Variants in THSD7B observed in about 807,000 individuals in gnomAD.
The protein encoded by THSD7B is thrombospondin type-1 domain-containing protein 7B.
A neutral mutation model predicts 213.6 loss-of-function variants in THSD7B; 138 were observed. The ratio of observed to expected loss-of-function variants is 0.65; its 90% CI spans 0.56 to 0.74. The LOEUF (loss-of-function observed/expected upper bound fraction) is 0.74, where lower values mean the gene tolerates loss of function less well. THSD7B is among the 30% of genes least tolerant of loss of function. The pLI is 0.00. For synonymous variants in THSD7B, 742 were observed against 687.0 expected (o/e 1.08, Z -1.25); for missense variants, 1,931 against 1,991.5 (o/e 0.97, Z 0.58).
At chr2:137,552,687 T>G (rs971194322) in intron 15 of THSD7B, among the ~76,000 whole-genome samples, 1 of 152,200 alleles carries the variant, frequency 6.6e-6, no homozygotes, top group Non-Finnish European at 1.5e-5. Context: ...TGCATTACAT[T>G]GTACACAAAC....
intron 12 of THSD7B, among the ~76,000 whole-genome samples, chr2:137,283,973 G>A (rs1683102527): frequency 6.6e-6 from 1 of 152,094 alleles, no homozygotes. Flanking sequence ...CAGAAGGAAT[G>A]GTACCAGTTC....
intron 2 of THSD7B, among the ~76,000 whole-genome samples, chr2:137,015,743 G>T (rs192720281): frequency 5.3e-5 from 8 of 152,180 alleles, no homozygotes; most frequent in Non-Finnish European, 7.4e-5. Flanking sequence ...TTCTAATCTT[G>T]GGAAACTCCT....
At chr2:137,604,594 T>TA (rs1166181832) in intron 17 of THSD7B, among the ~76,000 whole-genome samples, 1 of 152,170 alleles carries the variant, frequency 6.6e-6, no homozygotes, top group Admixed American at 6.5e-5. Context: ...AAAAAGAATG[T>TA]AAAAAATCAC....
intron 12 of THSD7B, among the ~76,000 whole-genome samples, chr2:137,288,377 C>T (rs1359914142): frequency 6.6e-6 from 1 of 152,056 alleles, no homozygotes; most frequent in Admixed American, 6.6e-5. Flanking sequence ...AATTTAAAAC[C>T]TACTAGAGTC....
At chr2:136,858,713 A>G (rs2104970286) in intron 1 of THSD7B, among the ~76,000 whole-genome samples, 1 of 152,290 alleles carries the variant, frequency 6.6e-6, no homozygotes, top group South Asian at 2.1e-4. Context: ...AAATTGACCT[A>G]ATATTTCCAG....
intron 21 of THSD7B, among the ~76,000 whole-genome samples, chr2:137,654,482 C>G (rs1288044963): frequency 6.6e-6 from 1 of 152,188 alleles, no homozygotes; most frequent in Non-Finnish European, 1.5e-5. Flanking sequence ...AGGGACAGGC[C>G]TCCTGCCAGG....
At chr2:137,197,728 C>T (rs938136365) in intron 7 of THSD7B, among the ~76,000 whole-genome samples, 1 of 152,110 alleles carries the variant, frequency 6.6e-6, no homozygotes, top group African/African-American at 2.4e-5. Context: ...AGGAACATCA[C>T]GGAAGCAGCA....
intron 2 of THSD7B, among the ~76,000 whole-genome samples, chr2:136,972,134 T>G (rs1685415568): frequency 6.6e-6 from 1 of 151,880 alleles, no homozygotes; most frequent in South Asian, 2.1e-4. Flanking sequence ...TCAAGGAGAA[T>G]GGACTACCAT....
At chr2:137,470,355 C>T (rs1043783599) in intron 15 of THSD7B, among the ~76,000 whole-genome samples, 6 of 152,164 alleles carry the variant, frequency 3.9e-5, no homozygotes, top group African/African-American at 1.4e-4. Context: ...AAAGGATAAA[C>T]AGATTTCTTG....
intron 24 of THSD7B, among the ~76,000 whole-genome samples, chr2:137,657,842 G>A (rs922556608): frequency 6.6e-6 from 1 of 152,130 alleles, no homozygotes; most frequent in East Asian, 1.9e-4. Flanking sequence ...AGCTTCCTGA[G>A]TAGTTGGGAC....
intron 7 of THSD7B, among the ~76,000 whole-genome samples, chr2:137,214,922 G>T (rs1325237979): frequency 6.6e-6 from 1 of 152,186 alleles, no homozygotes; most frequent in East Asian, 1.9e-4. Context: ...ATAGCAGCAT[G>T]ATTTATAATC....
At chr2:137,175,110 C>T (rs933230786) in intron 7 of THSD7B, among the ~76,000 whole-genome samples, 1 of 152,158 alleles carries the variant, frequency 6.6e-6, no homozygotes, top group African/African-American at 2.4e-5. Context: ...TTCCCAGTGG[C>T]TGGCAAGTGA....
At chr2:137,094,565 A>G (rs1688004686) in intron 3 of THSD7B, among the ~76,000 whole-genome samples, 1 of 152,032 alleles carries the variant, frequency 6.6e-6, no homozygotes, top group Non-Finnish European at 1.5e-5. Flanking sequence ...CTCTAAAAAA[A>G]AAAAACACAG....
At chr2:137,004,216 G>GCATTTATA (rs1686057995) in intron 2 of THSD7B, among the ~76,000 whole-genome samples, 1 of 151,180 alleles carries the variant, frequency 6.6e-6, no homozygotes. Flanking sequence ...AGAAGTCTAT[G>GCATTTATA]CATTTATACA....
At chr2:137,179,002 G>A (rs1006931796) in intron 7 of THSD7B, among the ~76,000 whole-genome samples, 1 of 152,180 alleles carries the variant, frequency 6.6e-6, no homozygotes, top group Non-Finnish European at 1.5e-5. Context: ...AGTTGTGCCT[G>A]TGTCTCTCAT....
intron 7 of THSD7B, among the ~76,000 whole-genome samples, chr2:137,208,888 G>C (rs982019775): frequency 1.3e-5 from 2 of 151,988 alleles, no homozygotes; most frequent in African/African-American, 4.8e-5. Context: ...CTGTGTGCAG[G>C]AGTAATTGGG....
intron 7 of THSD7B, among the ~76,000 whole-genome samples, chr2:137,187,874 G>A (rs75698846): frequency 0.011 from 1,622 of 151,646 alleles, 32 homozygotes; most frequent in East Asian, 0.049. Flanking sequence ...TTGTTCCAAT[G>A]TTCCCTTCAT....
intron 12 of THSD7B, among the ~76,000 whole-genome samples, chr2:137,403,026 G>T (rs951284006): frequency 6.6e-6 from 1 of 152,106 alleles, no homozygotes; most frequent in East Asian, 1.9e-4. Context: ...AAAATGTCTT[G>T]CTGTATTCAT....
intron 2 of THSD7B, among the ~76,000 whole-genome samples, chr2:137,036,875 C>T (rs532970801): frequency 6.6e-6 from 1 of 152,260 alleles, no homozygotes; most frequent in South Asian, 2.1e-4. Flanking sequence ...TTTTATTGAG[C>T]ACATCAAGAC....
Sources: allele counts gnomAD v4.1 joint callset (sites outside exome capture counted in the v4.1 genomes callset), GRCh38; gene constraint gnomAD v4.1.1; transcripts MANE v1.5; gene names NCBI Gene and HGNC (gene_info 2026-07-23, HGNC 2026-07-21).